Variants in P2RY6 observed in about 807,000 individuals in gnomAD.
P2RY6 encodes the protein P2Y purinoceptor 6.
A neutral mutation model predicts 16.3 loss-of-function variants in P2RY6; 19 were observed. The ratio of observed to expected loss-of-function variants is 1.16; its 90% confidence interval spans 0.81 to 1.71. P2RY6 has a LOEUF of 1.71. Among genes scored for constraint, P2RY6 ranks in the 40% most tolerant of loss-of-function variants. The pLI, the probability that P2RY6 is intolerant of heterozygous loss-of-function variation, is 0.00. For missense variants in P2RY6, 389 were observed against 455.5 expected (o/e 0.85, Z 1.33); for synonymous variants, 184 against 201.5 (o/e 0.91, Z 0.74).
chr11:73,268,424 T>A (rs1863176806), upstream of P2RY6, among the ~76,000 whole-genome samples: 1 of 152,052 alleles, frequency 6.6e-6, no homozygotes. Context: ...AGGAGTTCGA[T>A]ACCAGCCTGT....
At chr11:73,273,066 G>A (rs1330238534) in intron 1 of P2RY6, among the ~76,000 whole-genome samples, 7 of 151,160 alleles carry the variant, frequency 4.6e-5, no homozygotes, top group African/African-American at 1.5e-4. Flanking sequence ...AAGACAGCCT[G>A]GAGCTGGCCC....
In P2RY6 at chr11:73,288,869, A is replaced by T. The variant is rs1277413710; in HGVS notation, c.-120-6861A>T. Among the ~76,000 whole-genome samples the T allele has an allele frequency of 2.6e-5, 4 of 152,240 alleles. No individual in the cohort carries two copies. The East Asian group carries it at 5.8e-4, about 22-fold the overall frequency. ...AGGAAGCGAACTCTTGACCCCTGAC[A>T]TCCTGTGCCCTTTCTGCTAACTCAC... is the stretch of plus-strand genomic sequence containing the variant. On this transcript the variant is annotated intron_variant, in intron 1 of 2. Coordinates refer to ENST00000540124, the MANE Select transcript of P2RY6 (RefSeq NM_001277204.2).
At position 73,286,338 on chromosome 11, in the gene P2RY6, C is replaced by T. The variant is rs889472388; in HGVS notation, c.-120-9392C>T. ...GAGGAGTTCCCTGAGGCTCCCCTTCCACACCCAAACCTTACCTGTACGAGT... is the reference window on the plus strand; with the variant it reads ...GAGGAGTTCCCTGAGGCTCCCCTTCTACACCCAAACCTTACCTGTACGAGT... On this transcript the variant is annotated intron_variant, in intron 1 of 2. Coordinates refer to ENST00000540124, the MANE Select transcript of P2RY6 (RefSeq NM_001277204.2). Among the ~76,000 whole-genome samples, 76 of 152,160 alleles carry T rather than the reference C, an allele frequency of 5.0e-4. 2 individuals carry two copies. Among genetic ancestry groups the T allele is most frequent in the Admixed American group, 2.7e-3 (41 of 15,284 alleles).
Position 73,297,774 on chromosome 11 carries a change from C to T in P2RY6, c.*269C>T, listed in dbSNP as rs1864575052. ...GAGCTGGGGAAACCACATTAAGGTG[C>T]TCACAAAAATACAGTGTGACGTGTA... On this transcript the variant is annotated 3_prime_UTR_variant, in exon 3 of 3. Transcript: ENST00000540124. The T allele has an allele frequency of 2.0e-6, 1 of 508,740 alleles. No homozygotes were observed. The allele number at this position is 508,740 out of a possible 1,614,324, so 31.5% of individuals were successfully genotyped here.
chr11:73,278,734 T>A (rs998897429), intron 1 of P2RY6, among the ~76,000 whole-genome samples: 1 of 152,266 alleles, frequency 6.6e-6, no homozygotes. Context: ...ATCTATTGTA[T>A]GTATATATCA....
At chr11:73,281,871 C>T (rs1280245678) in intron 1 of P2RY6, among the ~76,000 whole-genome samples, 1 of 152,178 alleles carries the variant, frequency 6.6e-6, no homozygotes, top group East Asian at 1.9e-4. Context: ...TGGAGGAGGG[C>T]CTGCATGGGT....
intron 1 of P2RY6, among the ~76,000 whole-genome samples, chr11:73,275,099 G>C (rs994529915): frequency 6.6e-6 from 1 of 152,198 alleles, no homozygotes; most frequent in African/African-American, 2.4e-5. Context: ...GCGTAGGCTG[G>C]GTCAGTGGCT....
At position 73,298,250 on chromosome 11, in the gene P2RY6, C is replaced by G. The variant is rs1030157635; in HGVS notation, c.*745C>G. ...GAAGTGGGGAGCACTTTAATGCAAC[C>G]CAGGTATGCTCCATGCATATCCAGC... On this transcript the variant is annotated 3_prime_UTR_variant, in exon 3 of 3. Transcript: ENST00000540124. The G allele has an allele frequency of 6.0e-6, 1 of 167,068 alleles. No individual in the cohort carries two copies. Among genetic ancestry groups the G allele is most frequent in the African/African-American group, 2.4e-5 (1 of 41,392 alleles). The allele number at this position is 167,068 out of a possible 1,614,324, so 10.3% of individuals were successfully genotyped here.
Position 73,296,511 on chromosome 11 carries a change from G to T in P2RY6, c.-8G>T. ...CTCCCTGAACATAGGAAACCCACCTGGGCAGCCATGGAATGGGACAATGGC... is the reference window on the plus strand; with the variant it reads ...CTCCCTGAACATAGGAAACCCACCTTGGCAGCCATGGAATGGGACAATGGC... On this transcript the variant is annotated 5_prime_UTR_variant, in exon 3 of 3. Transcript: ENST00000540124. The T allele has an allele frequency of 6.2e-7, 1 of 1,610,308 alleles. No homozygotes were observed. Among genetic ancestry groups the T allele is most frequent in the Non-Finnish European group, 8.5e-7 (1 of 1,176,936 alleles).
chr11:73,294,548 C>T (rs1395420542), intron 1 of P2RY6, among the ~76,000 whole-genome samples: 3 of 152,202 alleles, frequency 2.0e-5, no homozygotes, highest in Non-Finnish European at 4.4e-5. Flanking sequence ...CTACCTTGTC[C>T]TAGCTGGGCA....
intron 1 of P2RY6, among the ~76,000 whole-genome samples, chr11:73,283,834 G>T (rs1172473441): frequency 6.6e-6 from 1 of 152,186 alleles, no homozygotes; most frequent in Non-Finnish European, 1.5e-5. Context: ...GGTCAAGGAA[G>T]ACATTTTGCT....
rs1280008362 is a variant in P2RY6, at chr11:73,297,215, C to T, written c.697C>T (p.Arg233Trp). Reference sequence around the variant, plus strand: ...CCCGGCAGAGCCTGTGGCCCAGGAGCGGCGTGGCAAGGCGGCCCGCATGGC... The same window carrying T: ...CCCGGCAGAGCCTGTGGCCCAGGAGTGGCGTGGCAAGGCGGCCCGCATGGC... Reference protein sequence around the residue: ...DGPAEPVAQERRGKAARMAVV... With the variant: ...DGPAEPVAQEWRGKAARMAVV... Residue 233 changes from arginine (R) to tryptophan (W), a missense_variant, in exon 3 of 3, where the codon CGG becomes TGG. Physicochemically the swap from Arg to Trp is moderately radical, Grantham distance 101. Coordinates refer to ENST00000540124, the MANE Select transcript of P2RY6 (RefSeq NM_001277204.2). 7 of 1,603,086 alleles carry T rather than the reference C, an allele frequency of 4.4e-6. No individual in the cohort carries two copies. The highest frequency in any genetic ancestry group is 5.9e-6 in the Non-Finnish European group (7 of 1,179,456).
At chr11:73,282,467 A>G (rs1385050704) in intron 1 of P2RY6, among the ~76,000 whole-genome samples, 1 of 152,148 alleles carries the variant, frequency 6.6e-6, no homozygotes, top group Non-Finnish European at 1.5e-5. Flanking sequence ...AAGGCCCCTC[A>G]GCACCTGCAA....
At chr11:73,270,352 G>A (rs1863248861), upstream of P2RY6, among the ~76,000 whole-genome samples, 1 of 152,050 alleles carries the variant, frequency 6.6e-6, no homozygotes, top group Admixed American at 6.5e-5. Context: ...GAGCCTGGAG[G>A]GTGGGGCAGG....
At chr11:73,272,279 G>C (rs530273596), upstream of P2RY6, 268 of 928,266 alleles carry the variant, frequency 2.9e-4, no homozygotes, top group Non-Finnish European at 3.4e-4. Flanking sequence ...CCAGCTCTGT[G>C]CTGTGGCAAG....
intron 1 of P2RY6, among the ~76,000 whole-genome samples, chr11:73,266,685 G>C (rs1033332349): frequency 6.6e-6 from 1 of 152,224 alleles, no homozygotes; most frequent in Non-Finnish European, 1.5e-5. Flanking sequence ...GGAGGACAAG[G>C]GGACATAAAA....
At chr11:73,278,737 A>G (rs1382174566) in intron 1 of P2RY6, among the ~76,000 whole-genome samples, 4 of 152,186 alleles carry the variant, frequency 2.6e-5, no homozygotes, top group Admixed American at 2.0e-4. Flanking sequence ...TATTGTATGT[A>G]TATATCACAT....
At chr11:73,283,881 G>C (rs546970982) in intron 1 of P2RY6, among the ~76,000 whole-genome samples, 14 of 152,248 alleles carry the variant, frequency 9.2e-5, no homozygotes, top group African/African-American at 3.4e-4. Flanking sequence ...GAAGTGTTTG[G>C]GCTGAGGGGA....
chr11:73,270,085 G>A (rs895765167), upstream of P2RY6: 3 of 152,174 alleles, frequency 2.0e-5, no homozygotes, highest in Non-Finnish European at 4.4e-5. Flanking sequence ...CTGTCATCTG[G>A]ATAGTGTCTA....
Sources: gnomAD v4.1 joint callset for allele counts (sites outside exome capture counted in the v4.1 genomes callset) on GRCh38, gnomAD v4.1.1 for gene constraint, MANE v1.5 for transcripts, NCBI Gene and HGNC (gene_info 2026-07-23, HGNC 2026-07-21) for gene names.